OPA3: variants seen among roughly 807,000 people sequenced by gnomAD.
OPA3 encodes outer mitochondrial membrane lipid metabolism regulator OPA3, also known as optic atrophy 3 protein.
Under a neutral mutation model 4.0 loss-of-function variants are expected in OPA3, and 6 were observed. That is an observed-to-expected ratio of 1.51 (90% CI 0.83 to 2.99). OPA3 has a LOEUF of 2.99. Ranked by LOEUF, OPA3 falls within the 30% of genes most tolerant of loss-of-function variation. The pLI is 0.00. For synonymous variants in OPA3, 105 were observed against 117.1 expected (o/e 0.90, Z 0.67); for missense variants, 235 against 256.2 (o/e 0.92, Z 0.56).
intron 1 of OPA3, among the ~76,000 whole-genome samples, chr19:45,566,637 A>ATT (rs58214401): frequency 1.5e-4 from 22 of 145,764 alleles, no homozygotes; most frequent in African/African-American, 3.3e-4. Flanking sequence ...TGCCCAGCTA[A>ATT]TTTTTTTTTT....
chr19:45,529,549 G>A (rs144771806), intron 1 of OPA3: 112 of 1,488,938 alleles, frequency 7.5e-5, no homozygotes, highest in Middle Eastern at 5.2e-4. Flanking sequence ...TGTAGCAATG[G>A]GGATGTGGTC....
At chr19:45,530,515 G>GTT (rs150103058) in intron 1 of OPA3, among the ~76,000 whole-genome samples, 2 of 150,390 alleles carry the variant, frequency 1.3e-5, no homozygotes, top group South Asian at 2.1e-4. Context: ...TGTATGTATG[G>GTT]TTTTTTTTTA....
chr19:45,576,198 G>A (rs1434954423), intron 1 of OPA3, among the ~76,000 whole-genome samples: 1 of 151,742 alleles, frequency 6.6e-6, no homozygotes, highest in East Asian at 1.9e-4. Context: ...AATCCAGCCT[G>A]GGCGACCATG....
rs929352492 is a variant in OPA3, at chr19:45,548,399, C to T, written c.*5115G>A. ...GATGGGAGGGGCACAGCCCTCAGGG[C>T]ACCTCCCAGGGTTTTGTGAGCTGGG... is the stretch of plus-strand genomic sequence containing the variant. On this transcript the variant is annotated 3_prime_UTR_variant, in exon 2 of 2. Transcript: ENST00000263275. 8 of 985,466 alleles carry T rather than the reference C, an allele frequency of 8.1e-6. No individual in the cohort carries two copies. The highest frequency in any genetic ancestry group is 3.5e-5 in the African/African-American group (2 of 57,260). 61.0% of individuals were successfully genotyped at this position (985,466 alleles called of 1,614,324 possible).
chr19:45,538,191 G>A lies in OPA3; in HGVS notation c.143-8735C>T, dbSNP rs551804540. Among the ~76,000 whole-genome samples the A allele has an allele frequency of 3.3e-5, 5 of 150,870 alleles. No individual in the cohort carries two copies. In the South Asian group the frequency reaches 6.3e-4, roughly 19 times the overall value. ...CACACCTGTAATCCCAGCACTTTGGGAGATCAAGGTAGGAGGATTGCTTGA... is the reference window on the plus strand; with the variant it reads ...CACACCTGTAATCCCAGCACTTTGGAAGATCAAGGTAGGAGGATTGCTTGA... On this transcript the variant is annotated intron_variant, in intron 1 of 1. Transcript: ENST00000323060.
downstream of OPA3, among the ~76,000 whole-genome samples, chr19:45,544,847 G>A (rs1451388598): frequency 2.0e-5 from 3 of 147,636 alleles, no homozygotes; most frequent in Admixed American, 2.1e-4. Context: ...ACCGGGCATG[G>A]TGGCCCATGC....
chr19:45,546,147 T>C (rs1969245962), downstream of OPA3: 1 of 152,294 alleles, frequency 6.6e-6, no homozygotes, highest in African/African-American at 2.4e-5. Context: ...TCATCCAATG[T>C]GTTATGGAAC....
At chr19:45,558,810 G>A (rs1194314377) in intron 1 of OPA3, among the ~76,000 whole-genome samples, 1 of 151,158 alleles carries the variant, frequency 6.6e-6, no homozygotes, top group East Asian at 1.9e-4. Flanking sequence ...GCAATGCAGT[G>A]GCCATGGAAA....
chr19:45,570,680 C>T (rs1969649234), intron 1 of OPA3, among the ~76,000 whole-genome samples: 1 of 151,432 alleles, frequency 6.6e-6, no homozygotes, highest in East Asian at 1.9e-4. Context: ...GAGTGAGACT[C>T]CATCTTGGGG....
At chr19:45,542,665 G>GTTTTTTTTTTT (rs59474391), downstream of OPA3, among the ~76,000 whole-genome samples, 6 of 103,334 alleles carry the variant, frequency 5.8e-5, no homozygotes, top group East Asian at 2.5e-4. Flanking sequence ...CTGTTTTTTT[G>GTTTTTTTTTTT]TTTTTTTTTT....
Position 45,551,894 on chromosome 19 carries a change from G to A in OPA3, c.*1620C>T, listed in dbSNP as rs1311337490. On this transcript the variant is annotated 3_prime_UTR_variant, in exon 2 of 2. Coordinates refer to ENST00000263275, the MANE Select transcript of OPA3 (RefSeq NM_025136.4). ...CAATTGAATCCATGGGCTTGGATTC[G>A]ACTGGGTCCCTGAGAAATGCTACTG... 7 of 985,490 alleles carry A rather than the reference G, an allele frequency of 7.1e-6. No homozygotes were observed. The highest frequency in any genetic ancestry group is 4.7e-5 in the South Asian group (1 of 21,296). 61.0% of individuals were successfully genotyped at this position (985,490 alleles called of 1,614,324 possible).
chr19:45,528,848 G>A lies in OPA3; in HGVS notation c.*208C>T, dbSNP rs968455356. The A allele has an allele frequency of 5.1e-5, 29 of 568,492 alleles. No individual in the cohort carries two copies. In the South Asian group the frequency reaches 7.3e-4, roughly 14 times the overall value. 35.2% of individuals were successfully genotyped at this position (568,492 alleles called of 1,614,324 possible). A position where few individuals can be genotyped will look rare whatever the true frequency, so the allele number is the denominator to read the frequency against. On this transcript the variant is annotated 3_prime_UTR_variant, in exon 2 of 2. Coordinates refer to the OPA3 transcript ENST00000323060. The stretch of plus-strand genomic sequence containing the variant: ...TCCTTCTTGGAACGTTCCACCTGCA[G>A]GAGGCGGAGAGTCCCAGTGGAAGGT...
chr19:45,530,320 C>T (rs1046693161), intron 1 of OPA3, among the ~76,000 whole-genome samples: 1 of 151,976 alleles, frequency 6.6e-6, no homozygotes, highest in Non-Finnish European at 1.5e-5. Flanking sequence ...TGCCACTGTA[C>T]TCCAGCCTGG....
chr19:45,537,179 G>A (rs1055083916), intron 1 of OPA3, among the ~76,000 whole-genome samples: 6 of 151,536 alleles, frequency 4.0e-5, no homozygotes, highest in South Asian at 2.1e-4. Flanking sequence ...GGCTTGTCTC[G>A]AACTTGTTTT....
At chr19:45,569,697 G>A (rs895875601) in intron 1 of OPA3, among the ~76,000 whole-genome samples, 2 of 152,108 alleles carry the variant, frequency 1.3e-5, no homozygotes, top group East Asian at 1.9e-4. Flanking sequence ...TCCTTGAAGC[G>A]TTACCCTCAC....
intron 1 of OPA3, among the ~76,000 whole-genome samples, chr19:45,529,923 G>A (rs547307008): frequency 1.6e-4 from 24 of 151,800 alleles, no homozygotes; most frequent in African/African-American, 5.1e-4. Context: ...TTGTAGAAAT[G>A]GGGGCTCCTT....
rs1426731689 is a variant in OPA3 at position 45,551,969 on chromosome 19, G to A, written c.*1545C>T. On this transcript the variant is annotated 3_prime_UTR_variant, in exon 2 of 2. Coordinates refer to ENST00000263275, the MANE Select transcript of OPA3 (RefSeq NM_025136.4). ...GACATGCCACACAGTACAAGCTCCAGGGACTCTGAGGACAGGAAAATAGGG... is the reference window on the plus strand; with the variant it reads ...GACATGCCACACAGTACAAGCTCCAAGGACTCTGAGGACAGGAAAATAGGG... 1.0e-6 allele frequency: 1 copy of A among 985,556 alleles called. No homozygotes were observed. The highest frequency in any genetic ancestry group is 1.2e-6 in the Non-Finnish European group (1 of 830,044). The allele number at this position is 985,556 out of a possible 1,614,324, so 61.1% of individuals were successfully genotyped here.
chr19:45,559,705 C>G (rs1458379762), intron 1 of OPA3, among the ~76,000 whole-genome samples: 1 of 152,012 alleles, frequency 6.6e-6, no homozygotes, highest in Non-Finnish European at 1.5e-5. Context: ...ACCTGGCCCC[C>G]TCCATTTCTC....
At chr19:45,535,585 C>T (rs1969106889) in intron 1 of OPA3, among the ~76,000 whole-genome samples, 1 of 151,862 alleles carries the variant, frequency 6.6e-6, no homozygotes, top group Admixed American at 6.6e-5. Flanking sequence ...TCTCGAACTC[C>T]TGGGCTCAAG....
Sources: gnomAD v4.1 joint callset for allele counts (sites outside exome capture counted in the v4.1 genomes callset) on GRCh38, gnomAD v4.1.1 for gene constraint, MANE v1.5 for transcripts, NCBI Gene and HGNC (gene_info 2026-07-23, HGNC 2026-07-21) for gene names.